Variants in FANCD2 observed in about 807,000 individuals in gnomAD.
FANCD2 encodes FA complementation group D2.
Under a neutral mutation model 192.3 loss-of-function variants are expected in FANCD2, and 131 were observed. The observed-to-expected ratio is 0.68, with a 90% CI of 0.59 to 0.79. The LOEUF (loss-of-function observed/expected upper bound fraction) is 0.79, where lower values mean the gene tolerates loss of function less well. Ranked by LOEUF, FANCD2 falls within the 30% of genes least tolerant of loss-of-function variation. The pLI, the probability that FANCD2 is intolerant of heterozygous loss-of-function variation, is 0.00. For synonymous variants in FANCD2, 524 were observed against 612.5 expected (o/e 0.86, Z 2.13); for missense variants, 1,508 against 1,701.6 (o/e 0.89, Z 2.00).
At chr3:10,051,394 AAAAAAAAAAAAAACAAAAAG>A (rs1226823038) in intron 17 of FANCD2, among the ~76,000 whole-genome samples, 2 of 11,606 alleles carry the variant, frequency 1.7e-4, no homozygotes, top group African/African-American at 4.9e-4. Context: ...AAAAAAAAAA[AAAAAAAAAAAAAACAAAAAG>A]GAGTGAGGGA....
intron 1 of FANCD2, 162 bp downstream of exon 1, chr3:10,026,635 C>G (rs551763138): frequency 9.7e-5 from 15 of 155,100 alleles, no homozygotes; most frequent in South Asian, 2.0e-4. Flanking sequence ...AGGTACCTTT[C>G]TGCGTCATTA....
chr3:10,053,494 T>A (rs6807630), intron 18 of FANCD2, among the ~76,000 whole-genome samples: 29,533 of 151,522 alleles, frequency 0.19, 3,327 homozygotes, highest in African/African-American at 0.31. Flanking sequence ...AACCTGCACA[T>A]TGTGCACATG....
chr3:10,054,351 AC>A (rs2087312182), intron 18 of FANCD2, among the ~76,000 whole-genome samples: 1 of 120,954 alleles, frequency 8.3e-6, no homozygotes, highest in African/African-American at 4.0e-5. Context: ...ATATATATAT[AC>A]GTATATATAT....
intron 7 of FANCD2, 76 bp downstream of exon 7, chr3:10,036,415 C>T: frequency 1.8e-6 from 2 of 1,107,500 alleles, no homozygotes; most frequent in Non-Finnish European, 2.8e-6. Context: ...ACTCTGAAAA[C>T]TATTGGTTTC....
At position 10,043,452 on chromosome 3, in the gene FANCD2, A is replaced by G. The variant is rs763486543; in HGVS notation, c.990-32A>G. 17 of 1,549,288 alleles carry G rather than the reference A, an allele frequency of 1.1e-5. No individual in the cohort carries two copies. In the African/African-American group the frequency reaches 1.6e-4, roughly 15 times the overall value. On this transcript the variant is annotated intron_variant, in intron 12 of 43. Coordinates refer to ENST00000675286, the MANE Select transcript of FANCD2 (RefSeq NM_001018115.3). ...TGTAAGTTCTTTTCTGGTACGTAGA[A>G]GAGTAATTTTTTTCCTCTCTGCTAC...
At chr3:10,099,037 A>G in intron 43 of FANCD2, 1 of 1,606,838 alleles carries the variant, frequency 6.2e-7, no homozygotes, top group Non-Finnish European at 8.5e-7. Context: ...GAGTTGTGGC[A>G]TTTGTTATAG....
intron 2 of FANCD2, among the ~76,000 whole-genome samples, chr3:10,031,518 G>T (rs1308920689): frequency 6.8e-6 from 1 of 147,394 alleles, no homozygotes; most frequent in Non-Finnish European, 1.5e-5. Flanking sequence ...AAAAAAAAAA[G>T]AAAGAGGGAG....
chr3:10,083,794 AG>A (rs1693994927), intron 32 of FANCD2: 1 of 149,282 alleles, frequency 6.7e-6, no homozygotes, highest in Non-Finnish European at 1.5e-5. Flanking sequence ...AGGCTGAGGC[AG>A]GAGAATGGCC....
intron 18 of FANCD2, among the ~76,000 whole-genome samples, chr3:10,059,492 G>T (rs376543284): frequency 6.6e-6 from 1 of 151,940 alleles, no homozygotes; most frequent in Non-Finnish European, 1.5e-5. Context: ...ATAATGTATC[G>T]CTAATCCTTA....
At chr3:10,094,779 C>T (rs995918944) in intron 40 of FANCD2, 11 of 309,324 alleles carry the variant, frequency 3.6e-5, no homozygotes, top group Non-Finnish European at 6.2e-5. Flanking sequence ...GTTTTTTAGC[C>T]AATGGCATCC....
At chr3:10,054,914 AAGAGT>A (rs1182075947) in intron 18 of FANCD2, among the ~76,000 whole-genome samples, 1 of 151,950 alleles carries the variant, frequency 6.6e-6, no homozygotes, top group East Asian at 1.9e-4. Flanking sequence ...AAACATATAG[AAGAGT>A]ATTCAGTGAA....
intron 37 of FANCD2, among the ~76,000 whole-genome samples, chr3:10,091,504 G>A (rs1392815313): frequency 1.3e-5 from 2 of 151,846 alleles, no homozygotes; most frequent in Non-Finnish European, 2.9e-5. Flanking sequence ...ACATATACCG[G>A]CTGTAGCTTC....
chr3:10,074,786 T>G, intron 29 of FANCD2, 113 bp downstream of exon 29: 1 of 936,692 alleles, frequency 1.1e-6, no homozygotes, highest in Admixed American at 2.0e-5. Flanking sequence ...AGACTGACTT[T>G]TAAAGCCTTT....
In FANCD2 at chr3:10,089,069, A is replaced by T. The variant is rs1575846580; in HGVS notation, c.3683+119A>T. 3 of 1,166,192 alleles carry T rather than the reference A, an allele frequency of 2.6e-6. No individual in the cohort carries two copies. The East Asian group carries it at 7.3e-5, about 28-fold the overall frequency. The allele number at this position is 1,166,192 out of a possible 1,614,324, so 72.2% of individuals were successfully genotyped here. A position where few individuals can be genotyped will look rare whatever the true frequency, so the allele number is the denominator to read the frequency against. ...AGGCTGAGGCAGGAGGATCACCTTG[A>T]GGTCAGGAGTTTTGAGACCCACTTG... On this transcript the variant is annotated intron_variant, in intron 36 of 43. Coordinates refer to ENST00000675286, the MANE Select transcript of FANCD2 (RefSeq NM_001018115.3).
intron 35 of FANCD2, 95 bp from the exon 36 acceptor site, chr3:10,088,733 C>A: frequency 7.3e-7 from 1 of 1,367,272 alleles, no homozygotes; most frequent in Non-Finnish European, 1.0e-6. Context: ...TAGCTAACTG[C>A]TTATTGTTAA....
In FANCD2 at chr3:10,042,680, C is replaced by T; in HGVS notation, c.888+17C>T. On this transcript the variant is annotated intron_variant, in intron 11 of 43. Transcript: ENST00000675286. ...ACACTTGAGGTATGCTCTTATATCC[C>T]ATCACACCTAGATAAAGCAACTTAA... 6.3e-7 allele frequency: 1 copy of T among 1,592,972 alleles called. No homozygotes were observed. Among genetic ancestry groups the T allele is most frequent in the Non-Finnish European group, 8.6e-7 (1 of 1,160,716 alleles).
intron 9 of FANCD2, 97 bp downstream of exon 9, chr3:10,039,942 C>G: frequency 7.0e-7 from 1 of 1,435,866 alleles, no homozygotes; most frequent in South Asian, 1.2e-5. Flanking sequence ...TCTCTTCTAT[C>G]TAAAAAGAGG....
At chr3:10,063,570 G>C (rs1405982074) in intron 20 of FANCD2, among the ~76,000 whole-genome samples, 2 of 152,174 alleles carry the variant, frequency 1.3e-5, no homozygotes, top group East Asian at 1.9e-4. Flanking sequence ...AAAATCAAAG[G>C]TTTACTTTAG....
chr3:10,090,147 C>T lies in FANCD2; in HGVS notation c.3684-145C>T, dbSNP rs34288918. ...CTTGGGCTTATTACTGAGTCCTTTC[C>T]GCTCCCCCATCCTCTTACTAAGGAC... On this transcript the variant is annotated intron_variant, in intron 36 of 43. Coordinates refer to ENST00000675286, the MANE Select transcript of FANCD2 (RefSeq NM_001018115.3). The T allele has an allele frequency of 2.7e-3, 1,754 of 660,840 alleles. 36 individuals carry two copies. The East Asian group carries it at 0.045, about 17-fold the overall frequency. 40.9% of individuals were successfully genotyped at this position (660,840 alleles called of 1,614,324 possible).
Sources: allele counts gnomAD v4.1 joint callset (sites outside exome capture counted in the v4.1 genomes callset), GRCh38; gene constraint gnomAD v4.1.1; transcripts MANE v1.5; gene names NCBI Gene and HGNC (gene_info 2026-07-23, HGNC 2026-07-21).